The following KCND2 variants were observed in gnomAD, a reference collection of about 807,000 sequenced individuals.
KCND2 encodes potassium voltage-gated channel subfamily D member 2.
A neutral mutation model predicts 54.4 loss-of-function variants in KCND2; 16 were observed. The ratio of observed to expected loss-of-function variants is 0.29; its 90% CI spans 0.20 to 0.45. The LOEUF (loss-of-function observed/expected upper bound fraction) is 0.45. Ranked by LOEUF, KCND2 falls within the 20% of genes least tolerant of loss-of-function variation. The pLI, the probability that KCND2 is intolerant of heterozygous loss-of-function variation, is 1.00. For synonymous variants in KCND2, 317 were observed against 310.7 expected (o/e 1.02, Z -0.21); for missense variants, 486 against 824.2 (o/e 0.59, Z 5.02).
chr7:120,640,544 T>C (rs1042165420), intron 1 of KCND2, among the ~76,000 whole-genome samples: 6 of 152,158 alleles, frequency 3.9e-5, no homozygotes, highest in Non-Finnish European at 8.8e-5. Flanking sequence ...CAAAAATGTC[T>C]TAGAGGAGGA....
intron 1 of KCND2, among the ~76,000 whole-genome samples, chr7:120,682,714 C>T (rs995559484): frequency 1.3e-5 from 2 of 152,092 alleles, no homozygotes; most frequent in East Asian, 1.9e-4. Context: ...ATTACACATT[C>T]GTTGAAATGC....
chr7:120,513,149 T>C (rs186962751), intron 1 of KCND2, among the ~76,000 whole-genome samples: 22 of 152,182 alleles, frequency 1.4e-4, no homozygotes, highest in Admixed American at 5.2e-4. Context: ...GAGCAATTTT[T>C]TGATGAAACA....
chr7:120,444,118 T>C (rs1310736076), intron 1 of KCND2, among the ~76,000 whole-genome samples: 2 of 152,112 alleles, frequency 1.3e-5, no homozygotes, highest in African/African-American at 2.4e-5. Context: ...TCTTCCTGAA[T>C]GGCAAAGGTG....
At chr7:120,400,169 A>T (rs937690991) in intron 1 of KCND2, among the ~76,000 whole-genome samples, 2 of 151,990 alleles carry the variant, frequency 1.3e-5, no homozygotes, top group Admixed American at 6.6e-5. Context: ...TATTAACATG[A>T]CTCTTTTGTT....
chr7:120,536,217 A>C (rs191975832), intron 1 of KCND2, among the ~76,000 whole-genome samples: 1 of 152,290 alleles, frequency 6.6e-6, no homozygotes, highest in East Asian at 1.9e-4. Context: ...AACTGTGTCT[A>C]CAAAAACAAT....
At chr7:120,675,646 A>C (rs1792050968) in intron 1 of KCND2, among the ~76,000 whole-genome samples, 1 of 152,168 alleles carries the variant, frequency 6.6e-6, no homozygotes. Context: ...TTGCTATAAT[A>C]CATACCTATT....
At chr7:120,352,200 T>C (rs922819151) in intron 1 of KCND2, among the ~76,000 whole-genome samples, 13 of 152,030 alleles carry the variant, frequency 8.6e-5, no homozygotes, top group Admixed American at 2.6e-4. Flanking sequence ...CCTCCCAAAG[T>C]GCTGGGATTA....
At chr7:120,425,345 A>G (rs1801692212) in intron 1 of KCND2, among the ~76,000 whole-genome samples, 1 of 152,228 alleles carries the variant, frequency 6.6e-6, no homozygotes, top group African/African-American at 2.4e-5. Flanking sequence ...ACATGCAAAC[A>G]CTTATGTAGC....
At chr7:120,462,758 T>G (rs1802302215) in intron 1 of KCND2, among the ~76,000 whole-genome samples, 1 of 151,706 alleles carries the variant, frequency 6.6e-6, no homozygotes, top group Admixed American at 6.6e-5. Context: ...ATAAAACAAG[T>G]CTGTAACTAC....
At chr7:120,738,123 C>T (rs1792897022) in intron 2 of KCND2, among the ~76,000 whole-genome samples, 1 of 152,016 alleles carries the variant, frequency 6.6e-6, no homozygotes, top group Admixed American at 6.6e-5. Flanking sequence ...GCATTCTAGC[C>T]TGTGAGTACT....
chr7:120,414,326 C>T (rs1225733784), intron 1 of KCND2, among the ~76,000 whole-genome samples: 1 of 151,922 alleles, frequency 6.6e-6, no homozygotes, highest in Non-Finnish European at 1.5e-5. Flanking sequence ...GAGATTGTTC[C>T]AAAAAATTTT....
At chr7:120,336,380 T>C (rs1800152497) in intron 1 of KCND2, among the ~76,000 whole-genome samples, 1 of 152,200 alleles carries the variant, frequency 6.6e-6, no homozygotes, top group South Asian at 2.1e-4. Flanking sequence ...ATATATGTTT[T>C]AGAGTGGGCT....
intron 1 of KCND2, among the ~76,000 whole-genome samples, chr7:120,477,396 A>G (rs1310277028): frequency 6.6e-6 from 1 of 152,152 alleles, no homozygotes; most frequent in Non-Finnish European, 1.5e-5. Context: ...CAAGAGGCTT[A>G]TGGGGACTCT....
intron 1 of KCND2, among the ~76,000 whole-genome samples, chr7:120,708,460 A>C (rs980120071): frequency 1.3e-5 from 2 of 152,188 alleles, no homozygotes; most frequent in South Asian, 4.1e-4. Flanking sequence ...ACACATGTCT[A>C]ATATGGATGG....
chr7:120,315,512 A>G (rs888115173), intron 1 of KCND2, among the ~76,000 whole-genome samples: 2 of 152,138 alleles, frequency 1.3e-5, no homozygotes, highest in Non-Finnish European at 2.9e-5. Context: ...CCTACATTGT[A>G]TACTTCTCCA....
At chr7:120,679,343 A>G (rs1433762209) in intron 1 of KCND2, among the ~76,000 whole-genome samples, 1 of 151,924 alleles carries the variant, frequency 6.6e-6, no homozygotes, top group Non-Finnish European at 1.5e-5. Flanking sequence ...ACAGGGCTTA[A>G]TAACTACTTT....
chr7:120,340,854 G>A (rs933800042), intron 1 of KCND2, among the ~76,000 whole-genome samples: 1 of 152,134 alleles, frequency 6.6e-6, no homozygotes, highest in African/African-American at 2.4e-5. Context: ...TAAAACTAAT[G>A]GGCAAAATGT....
chr7:120,562,411 C>G (rs1193907338), intron 1 of KCND2, among the ~76,000 whole-genome samples: 3 of 152,058 alleles, frequency 2.0e-5, no homozygotes, highest in African/African-American at 7.2e-5. Context: ...GAGTTGATAA[C>G]AAGGAAGTTA....
chr7:120,670,026 G>A (rs570447960), intron 1 of KCND2, among the ~76,000 whole-genome samples: 6 of 152,084 alleles, frequency 3.9e-5, no homozygotes, highest in African/African-American at 1.4e-4. Context: ...GGGGGTGAGG[G>A]ATAAAAGGCT....
Sources: gnomAD v4.1 joint callset for allele counts (sites outside exome capture counted in the v4.1 genomes callset) on GRCh38, gnomAD v4.1.1 for gene constraint, MANE v1.5 for transcripts, NCBI Gene and HGNC (gene_info 2026-07-23, HGNC 2026-07-21) for gene names.